NR4A1: variants seen among roughly 807,000 people sequenced by gnomAD.
NR4A1 encodes nuclear receptor subfamily 4immunitygroup A member 1.
Under a neutral mutation model 47.5 loss-of-function variants are expected in NR4A1, and 24 were observed. That is an observed-to-expected ratio of 0.50 (90% CI 0.37 to 0.71). NR4A1 has a LOEUF of 0.71. Among genes scored for constraint, NR4A1 ranks in the 30% least tolerant of loss-of-function variants. The pLI is 0.00. For missense variants in NR4A1, 669 were observed against 788.6 expected, an observed-to-expected ratio of 0.85 and a Z score of 1.82; for synonymous variants, 353 against 345.7, an observed-to-expected ratio of 1.02 and a Z score of -0.24.
chr12:52,041,146 T>C (rs530452071), intron 1 of NR4A1, among the ~76,000 whole-genome samples: 7 of 152,298 alleles, frequency 4.6e-5, no homozygotes, highest in African/African-American at 1.4e-4. Flanking sequence ...ATGTAGTAGA[T>C]ATGTGTATCC....
upstream of NR4A1, among the ~76,000 whole-genome samples, chr12:52,050,487 A>G (rs1555168384): frequency 6.6e-6 from 1 of 152,208 alleles, no homozygotes; most frequent in Non-Finnish European, 1.5e-5. Flanking sequence ...AAAATGAGGA[A>G]GAGTTGGCAC....
At chr12:52,056,896 C>T in intron 4 of NR4A1, 161 bp from the exon 5 acceptor site, 8 of 829,090 alleles carry the variant, frequency 9.6e-6, no homozygotes, top group Non-Finnish European at 1.5e-5. Flanking sequence ...GCAGCTGCAG[C>T]CCTGGGTTAA....
chr12:52,042,446 CTG>C (rs1938475216), intron 2 of NR4A1, among the ~76,000 whole-genome samples: 1 of 152,136 alleles, frequency 6.6e-6, no homozygotes, highest in African/African-American at 2.4e-5. Context: ...CCTATGGAGT[CTG>C]TGGTGTCGGG....
intron 3 of NR4A1, 142 bp downstream of exon 3, chr12:52,056,301 A>C: frequency 7.1e-7 from 1 of 1,401,872 alleles, no homozygotes; most frequent in South Asian, 1.4e-5. Flanking sequence ...CAGGCCTTGG[A>C]GGGAGGCAGC....
chr12:52,046,341 A>AC (rs143269429), intron 2 of NR4A1, among the ~76,000 whole-genome samples: 55 of 152,256 alleles, frequency 3.6e-4, no homozygotes, highest in African/African-American at 1.3e-3. Context: ...GGACTAGGAG[A>AC]CAGTGCCCTT....
chr12:52,050,413 G>A (rs1938864722), upstream of NR4A1, among the ~76,000 whole-genome samples: 1 of 152,254 alleles, frequency 6.6e-6, no homozygotes, highest in South Asian at 2.1e-4. Context: ...CCAACCCAGT[G>A]TGCCACCACC....
chr12:52,040,262 G>C (rs935829569), intron 1 of NR4A1, among the ~76,000 whole-genome samples: 1 of 152,202 alleles, frequency 6.6e-6, no homozygotes, highest in African/African-American at 2.4e-5. Context: ...ACAGATACCT[G>C]TTTGAAGATG....
chr12:52,050,246 C>T (rs552037615), upstream of NR4A1, among the ~76,000 whole-genome samples: 1 of 152,350 alleles, frequency 6.6e-6, no homozygotes, highest in East Asian at 1.9e-4. Flanking sequence ...CGGGCTGTTC[C>T]TCACTCCACC....
chr12:52,057,246 C>T lies in NR4A1; in HGVS notation c.1348C>T (p.Arg450Cys), dbSNP rs746656897. Residue 450 changes from arginine to cysteine, a missense_variant, in exon 5 of 7, where the codon CGC becomes TGC. Coordinates refer to ENST00000394825, the MANE Select transcript of NR4A1 (RefSeq NM_173157.3). ...GGCCTTCCTGGAGCTCTTCATCCTC[C>T]GCCTGGCGTACAGGTGAGAGCCACT... ...ESAFLELFIL[R>C]LAYRSKPGEG... The T allele has an allele frequency of 1.2e-5, 19 of 1,613,618 alleles. No homozygotes were observed. The highest frequency in any genetic ancestry group is 8.3e-5 in the Admixed American group (5 of 59,968).
At chr12:52,055,862 C>A in intron 2 of NR4A1, 168 bp from the exon 3 acceptor site, 1 of 453,634 alleles carries the variant, frequency 2.2e-6, no homozygotes. Flanking sequence ...TCTCCCCCCG[C>A]CCAACCCCGT....
intron 2 of NR4A1, among the ~76,000 whole-genome samples, chr12:52,042,971 C>A (rs1565644063): frequency 6.6e-6 from 1 of 152,208 alleles, no homozygotes. Flanking sequence ...GCTTCCCAAA[C>A]ACTGTTGCCT....
intron 2 of NR4A1, chr12:52,043,717 C>T (rs1592289664): frequency 7.9e-7 from 1 of 1,271,414 alleles, no homozygotes; most frequent in East Asian, 5.6e-5. Flanking sequence ...GGCTTGGAGG[C>T]AGCACCACAT....
rs904590882 is a variant in NR4A1, at chr12:52,038,538, C to G, written c.-83-3272C>G. On this transcript the variant is annotated intron_variant, in intron 1 of 7. Coordinates refer to the NR4A1 transcript ENST00000360284. ...GGTAGGTTCACAACAGTTATGCCCA[C>G]TGGGTGCTGATGGATTTGGGGGCTG... is the stretch of plus-strand genomic sequence containing the variant. The G allele has an allele frequency of 8.4e-6, 5 of 594,672 alleles. No homozygotes were observed. In the African/African-American group the frequency reaches 9.2e-5, roughly 11 times the overall value. The allele number at this position is 594,672 out of a possible 1,614,324, so 36.8% of individuals were successfully genotyped here.
chr12:52,043,198 G>T (rs1420373395), intron 2 of NR4A1, among the ~76,000 whole-genome samples: 2 of 152,188 alleles, frequency 1.3e-5, no homozygotes, highest in East Asian at 1.9e-4. Context: ...ATTACTGTAA[G>T]GGGGAGAGGC....
chr12:52,024,228 C>T (rs1163907154), intron 1 of NR4A1, among the ~76,000 whole-genome samples: 2 of 152,212 alleles, frequency 1.3e-5, no homozygotes, highest in East Asian at 1.9e-4. Flanking sequence ...TCTCCCTGCC[C>T]CAGCCCCACA....
chr12:52,028,506 G>T (rs1052544032), intron 1 of NR4A1, among the ~76,000 whole-genome samples: 1 of 151,950 alleles, frequency 6.6e-6, no homozygotes. Flanking sequence ...CCCAGGAGGC[G>T]GAGGTTGCAG....
chr12:52,023,128 G>A (rs1467989108), intron 1 of NR4A1, among the ~76,000 whole-genome samples: 4 of 152,240 alleles, frequency 2.6e-5, no homozygotes, highest in African/African-American at 9.6e-5. Context: ...CTAGACCAGA[G>A]TTGGGGCTCA....
intron 1 of NR4A1, chr12:52,037,276 C>A: frequency 1.5e-6 from 1 of 676,678 alleles, no homozygotes; most frequent in Non-Finnish European, 1.8e-6. Context: ...TGCAGGAGCG[C>A]GAGGAGGAGG....
At chr12:52,033,515 C>T (rs754047157) in intron 1 of NR4A1, among the ~76,000 whole-genome samples, 6 of 152,236 alleles carry the variant, frequency 3.9e-5, no homozygotes, top group Non-Finnish European at 8.8e-5. Flanking sequence ...TTAATTCCAG[C>T]TCTGCCATTT....
Sources: allele counts gnomAD v4.1 joint callset (sites outside exome capture counted in the v4.1 genomes callset), GRCh38; gene constraint gnomAD v4.1.1; transcripts MANE v1.5; gene names NCBI Gene and HGNC (gene_info 2026-07-23, HGNC 2026-07-21).